The following ROBO1 variants were observed in gnomAD, a reference collection of about 807,000 sequenced individuals.
ROBO1 encodes roundabout guidance receptor 1, also known as roundabout homolog 1.
Under a neutral mutation model 195.9 loss-of-function variants are expected in ROBO1, and 149 were observed. The ratio of observed to expected loss-of-function variants is 0.76; its 90% CI spans 0.67 to 0.87. The LOEUF (loss-of-function observed/expected upper bound fraction) is 0.87. ROBO1 is among the 40% of genes least tolerant of loss of function. The pLI is 0.00. For synonymous variants in ROBO1, 816 were observed against 733.2 expected, an observed-to-expected ratio of 1.11 and a Z score of -1.82; for missense variants, 1,933 against 2,068.3, an observed-to-expected ratio of 0.93 and a Z score of 1.27.
At chr3:78,722,828 T>C (rs936578362) in intron 5 of ROBO1, among the ~76,000 whole-genome samples, 7 of 152,146 alleles carry the variant, frequency 4.6e-5, no homozygotes, top group Non-Finnish European at 1.0e-4. Context: ...CCTCTGTATC[T>C]CTGCTTTTCA....
chr3:79,150,171 T>C (rs2080738225), intron 2 of ROBO1, among the ~76,000 whole-genome samples: 1 of 151,824 alleles, frequency 6.6e-6, no homozygotes, highest in African/African-American at 2.4e-5. Context: ...TCTGCCTATG[T>C]ATGTCTCTAA....
chr3:79,081,592 T>C (rs1465214248), intron 3 of ROBO1, among the ~76,000 whole-genome samples: 1 of 152,212 alleles, frequency 6.6e-6, no homozygotes, highest in African/African-American at 2.4e-5. Context: ...GTAGAATATA[T>C]GCTGGTAACA....
At chr3:78,709,955 T>G (rs1056038249) in intron 8 of ROBO1, among the ~76,000 whole-genome samples, 1 of 152,254 alleles carries the variant, frequency 6.6e-6, no homozygotes, top group Non-Finnish European at 1.5e-5. Context: ...AAAATGGTCA[T>G]AAATTTCAAT....
At chr3:79,008,249 A>C (rs1385028500) in intron 3 of ROBO1, among the ~76,000 whole-genome samples, 1 of 152,170 alleles carries the variant, frequency 6.6e-6, no homozygotes. Context: ...TTTGTGGTCT[A>C]TATGTACACA....
chr3:79,376,987 G>A (rs1470579021), intron 2 of ROBO1, among the ~76,000 whole-genome samples: 1 of 151,926 alleles, frequency 6.6e-6, no homozygotes. Flanking sequence ...CTGTTTGGGG[G>A]AAATAAAAAT....
intron 2 of ROBO1, among the ~76,000 whole-genome samples, chr3:79,432,297 C>G (rs1396931134): frequency 1.3e-5 from 2 of 151,938 alleles, no homozygotes; most frequent in Non-Finnish European, 2.9e-5. Flanking sequence ...ACAGACACCT[C>G]ATATTTATTC....
intron 1 of ROBO1, among the ~76,000 whole-genome samples, chr3:79,637,108 T>C (rs1413930378): frequency 6.6e-6 from 1 of 152,172 alleles, no homozygotes; most frequent in Non-Finnish European, 1.5e-5. Context: ...GTCCAGACGC[T>C]ATGGTAATTG....
chr3:78,965,468 T>G, intron 3 of ROBO1, among the ~76,000 whole-genome samples: 1 of 152,190 alleles, frequency 6.6e-6, no homozygotes, highest in East Asian at 1.9e-4. Context: ...CCTTTCCTAC[T>G]TCTTTGAGCA....
chr3:78,867,703 T>C (rs2035268406), intron 4 of ROBO1, among the ~76,000 whole-genome samples: 1 of 151,956 alleles, frequency 6.6e-6, no homozygotes, highest in Admixed American at 6.6e-5. Context: ...CAAAATGGAG[T>C]TGAAACCAAA....
chr3:79,102,494 T>G (rs1379887038), intron 3 of ROBO1, among the ~76,000 whole-genome samples: 1 of 151,790 alleles, frequency 6.6e-6, no homozygotes, highest in African/African-American at 2.4e-5. Context: ...GATTTAGCAC[T>G]TCTAGGAAGT....
At chr3:79,279,310 A>T (rs1401523432) in intron 2 of ROBO1, among the ~76,000 whole-genome samples, 11 of 152,086 alleles carry the variant, frequency 7.2e-5, no homozygotes, top group Admixed American at 6.6e-4. Context: ...CAACAACAAA[A>T]CAAAACAAAA....
intron 10 of ROBO1, among the ~76,000 whole-genome samples, chr3:78,671,693 T>C (rs1708074573): frequency 6.6e-6 from 1 of 152,116 alleles, no homozygotes; most frequent in South Asian, 2.1e-4. Flanking sequence ...TTTGTCTTGG[T>C]TACCAGGGTG....
intron 2 of ROBO1, among the ~76,000 whole-genome samples, chr3:79,141,727 A>G: frequency 6.6e-6 from 1 of 152,044 alleles, no homozygotes; most frequent in Admixed American, 6.6e-5. Context: ...ATAAACTTGC[A>G]CTTGATTCTT....
chr3:79,103,684 T>C (rs1010738891), intron 3 of ROBO1, among the ~76,000 whole-genome samples: 2 of 151,642 alleles, frequency 1.3e-5, no homozygotes, highest in Non-Finnish European at 2.9e-5. Context: ...ACATCTAAAG[T>C]CTCTTTAACA....
At chr3:78,611,609 C>T (rs1703817802) in intron 28 of ROBO1, among the ~76,000 whole-genome samples, 1 of 152,192 alleles carries the variant, frequency 6.6e-6, no homozygotes, top group African/African-American at 2.4e-5. Context: ...GATTTGACCG[C>T]AGAGCAAGGT....
chr3:78,990,010 T>C (rs1271605941), intron 3 of ROBO1, among the ~76,000 whole-genome samples: 2 of 152,076 alleles, frequency 1.3e-5, no homozygotes, highest in South Asian at 2.1e-4. Context: ...GATTAAAGAA[T>C]TGTACACCTT....
At chr3:78,770,852 C>T (rs369276028) in intron 4 of ROBO1, among the ~76,000 whole-genome samples, 4 of 152,018 alleles carry the variant, frequency 2.6e-5, no homozygotes, top group East Asian at 1.9e-4. Flanking sequence ...ATCACTTGAG[C>T]CCAGTGATTC....
intron 27 of ROBO1, 111 bp downstream of exon 27, chr3:78,617,524 G>GT (rs1434173325): frequency 1.9e-4 from 182 of 970,690 alleles, no homozygotes; most frequent in Middle Eastern, 1.4e-3. Flanking sequence ...AAAAAAAACT[G>GT]TAAGAATAGA....
intron 1 of ROBO1, among the ~76,000 whole-genome samples, chr3:79,761,323 T>A (rs1423005703): frequency 6.6e-6 from 1 of 151,558 alleles, no homozygotes; most frequent in Non-Finnish European, 1.5e-5. Flanking sequence ...CTTAAGACAA[T>A]ACTATATATG....
Sources: allele counts gnomAD v4.1 joint callset (sites outside exome capture counted in the v4.1 genomes callset), GRCh38; gene constraint gnomAD v4.1.1; transcripts MANE v1.5; gene names NCBI Gene and HGNC (gene_info 2026-07-23, HGNC 2026-07-21).